The following ENO1 variants were observed in gnomAD, a reference collection of about 807,000 sequenced individuals.
ENO1 encodes enolase 1, also known as alpha-enolase.
A neutral mutation model predicts 46.3 loss-of-function variants in ENO1; 33 were observed. The observed-to-expected ratio is 0.71, with a 90% CI of 0.54 to 0.95. ENO1 has a LOEUF of 0.95. ENO1 is among the 40% of genes least tolerant of loss of function. The pLI is 0.00. For synonymous variants in ENO1, 220 were observed against 216.0 expected (o/e 1.02, Z -0.16); for missense variants, 488 against 553.3 (o/e 0.88, Z 1.18).
intron 1 of ENO1, 144 bp from the exon 2 acceptor site, chr1:8,875,061 T>TG (rs1436249492): frequency 3.2e-6 from 2 of 634,806 alleles, no homozygotes; most frequent in Non-Finnish European, 2.7e-6. Context: ...CTGGCTAGGG[T>TG]GGGGGGAAAA....
chr1:8,861,462 GA>G (rs772510631), intron 11 of ENO1, 33 bp from the exon 12 acceptor site: 1 of 1,610,796 alleles, frequency 6.2e-7, no homozygotes, highest in Admixed American at 1.7e-5. Context: ...AGATGGGGAG[GA>G]AAAAAGAAAA....
chr1:8,872,387 CT>C lies in ENO1; in HGVS notation c.86-402del, dbSNP rs111671523. On this transcript the variant is annotated intron_variant, in intron 2 of 11. Coordinates refer to ENST00000234590, the MANE Select transcript of ENO1 (RefSeq NM_001428.5). ...ACAGGGCATTGAAGACGTTCTGGTA[CT>C]TTTTTTTTCTTTTGAGACAGAATCT... Among the ~76,000 whole-genome samples, 3 of 150,692 alleles carry C rather than the reference CT, an allele frequency of 2.0e-5. No individual in the cohort carries two copies. The South Asian group carries it at 6.3e-4, about 32-fold the overall frequency.
At chr1:8,874,323 G>A (rs978887340) in intron 2 of ENO1, among the ~76,000 whole-genome samples, 7 of 151,992 alleles carry the variant, frequency 4.6e-5, no homozygotes, top group African/African-American at 1.2e-4. Flanking sequence ...CTATAATGCC[G>A]GCACTTTGGG....
Position 8,863,967 on chromosome 1 carries a change from C to A in ENO1, c.991G>T (p.Ala331Ser), listed in dbSNP as rs775250261. Reference sequence around the variant, plus strand: ...CAGTTGCAGGACTTCTCGTTCACGGCCTTGGCGATCCTCTTTGGGTTGGTC... The same window carrying A: ...CAGTTGCAGGACTTCTCGTTCACGGACTTGGCGATCCTCTTTGGGTTGGTC... ...TVTNPKRIAK[A>S]VNEKSCNCLL... Residue 331 changes from alanine (A) to serine (S), a missense_variant, in exon 9 of 12, where the codon GCC becomes TCC. Ala to Ser is a moderately conservative substitution (Grantham distance 99). Transcript: ENST00000234590. 1 of 1,614,184 alleles carries A rather than the reference C, an allele frequency of 6.2e-7. No individual in the cohort carries two copies. Among genetic ancestry groups the A allele is most frequent in the South Asian group, 1.1e-5 (1 of 91,086 alleles).
intron 8 of ENO1, 55 bp from the exon 9 acceptor site, chr1:8,864,147 G>A (rs1473574470): frequency 1.3e-5 from 21 of 1,580,698 alleles, no homozygotes; most frequent in Non-Finnish European, 1.7e-5. Context: ...GTGCTCCACC[G>A]CAATGCCCAG....
chr1:8,870,287 G>A, intron 4 of ENO1, 165 bp downstream of exon 4: 1 of 793,958 alleles, frequency 1.3e-6, no homozygotes, highest in Non-Finnish European at 1.9e-6. Flanking sequence ...GAGGCAGCGG[G>A]CAGGTTAGAA....
rs28931273 is a variant in ENO1 at position 8,872,037 on chromosome 1, C to G, written c.86-51G>C. ...TAGCAATTCAGAAATCCAGTTCCAGCACAATCCCAAGTCCCCTCCCGCCCA... is the reference window on the plus strand; with the variant it reads ...TAGCAATTCAGAAATCCAGTTCCAGGACAATCCCAAGTCCCCTCCCGCCCA... On this transcript the variant is annotated intron_variant, in intron 2 of 11. Transcript: ENST00000234590. 345 of 1,523,440 alleles carry G rather than the reference C, an allele frequency of 2.3e-4. No individual in the cohort carries two copies. In the East Asian group the frequency reaches 7.2e-3, roughly 32 times the overall value. The allele number at this position is 1,523,440 out of a possible 1,614,324, so 94.4% of individuals were successfully genotyped here.
intron 8 of ENO1, 76 bp from the exon 9 acceptor site, chr1:8,864,168 C>T: frequency 1.3e-6 from 2 of 1,516,340 alleles, no homozygotes; most frequent in South Asian, 1.1e-5. Context: ...CCTTGCTTCC[C>T]CCTTGACTTG....
rs1337245022 is a variant in ENO1, at chr1:8,861,151, C to T, written c.*209G>A. The T allele has an allele frequency of 7.5e-6, 4 of 531,296 alleles. No individual in the cohort carries two copies. The highest frequency in any genetic ancestry group is 3.8e-5 in the African/African-American group (2 of 52,452). The allele number at this position is 531,296 out of a possible 1,614,324, so 32.9% of individuals were successfully genotyped here. A position where few individuals can be genotyped will look rare whatever the true frequency, so the allele number is the denominator to read the frequency against. On this transcript the variant is annotated 3_prime_UTR_variant, in exon 12 of 12. Transcript: ENST00000234590. ...AAAACAATGACTTGGGCCAATTACA[C>T]GACTGCAAAGCTAGAGCTGCCAACA...
rs867870442 is a variant in ENO1 at position 8,869,382 on chromosome 1, G to A, written c.240+1070C>T. On this transcript the variant is annotated intron_variant, in intron 4 of 11. Coordinates refer to ENST00000234590, the MANE Select transcript of ENO1 (RefSeq NM_001428.5). ...AAGACATTTTGTCTGGGGGCTGGTCGGGCAGGGAGTAATTACAGAGTGCCA... is the reference window on the plus strand; with the variant it reads ...AAGACATTTTGTCTGGGGGCTGGTCAGGCAGGGAGTAATTACAGAGTGCCA... 5.5e-4 allele frequency among the ~76,000 whole-genome samples: 84 copies of A among 151,872 alleles called. 1 individual carries two copies. The highest frequency in any genetic ancestry group is 7.7e-4 in the East Asian group (4 of 5,172).
intron 1 of ENO1, chr1:8,878,153 T>C (rs940432791): frequency 6.4e-6 from 1 of 155,958 alleles, no homozygotes; most frequent in Admixed American, 6.5e-5. Flanking sequence ...TCCTCCATTT[T>C]AGGAAGGGCC....
chr1:8,875,236 A>G (rs1642711281), intron 1 of ENO1, among the ~76,000 whole-genome samples: 1 of 151,896 alleles, frequency 6.6e-6, no homozygotes, highest in Admixed American at 6.5e-5. Context: ...TTTTTCACAA[A>G]AAAAGATTTG....
Position 8,863,312 on chromosome 1 carries a change from C to A in ENO1, c.1099G>T (p.Val367Phe). 1 of 1,614,062 alleles carries A rather than the reference C, an allele frequency of 6.2e-7. No homozygotes were observed. Among genetic ancestry groups the A allele is most frequent in the Non-Finnish European group, 8.5e-7 (1 of 1,179,968 alleles). ...CKLAQANGWGVMVSHRSGETE... is the reference protein window; with the variant it reads ...CKLAQANGWGFMVSHRSGETE... ...TCCCCCGAACGATGAGACACCATGA[C>A]GCCCCAACCATTGGCCTGGGCCAGC... is the stretch of plus-strand genomic sequence containing the variant. The change falls in exon 10 of 12, where the codon GTC becomes TTC. Residue 367 changes from valine to phenylalanine, a missense_variant. Physicochemically the swap from Val to Phe is conservative, Grantham distance 50. Coordinates refer to ENST00000234590, the MANE Select transcript of ENO1 (RefSeq NM_001428.5).
intron 4 of ENO1, among the ~76,000 whole-genome samples, chr1:8,868,777 G>A (rs1569908787): frequency 6.6e-6 from 1 of 152,070 alleles, no homozygotes; most frequent in South Asian, 2.1e-4. Flanking sequence ...CCTCCACCTC[G>A]TGGGCTCAAA....
intron 2 of ENO1, among the ~76,000 whole-genome samples, chr1:8,873,347 A>G (rs1396762000): frequency 6.6e-6 from 1 of 152,150 alleles, no homozygotes; most frequent in African/African-American, 2.4e-5. Flanking sequence ...TGAGACAGGG[A>G]GAGAGAGAGA....
At chr1:8,866,134 C>T (rs1642508665) in intron 7 of ENO1, 145 bp downstream of exon 7, 1 of 667,770 alleles carries the variant, frequency 1.5e-6, no homozygotes, top group African/African-American at 1.8e-5. Flanking sequence ...CCCTTTTCCT[C>T]CTTAAAACCG....
At chr1:8,873,041 C>T (rs1347851663) in intron 2 of ENO1, among the ~76,000 whole-genome samples, 5 of 152,234 alleles carry the variant, frequency 3.3e-5, no homozygotes, top group African/African-American at 1.2e-4. Flanking sequence ...GCAGTGTTCC[C>T]TGCTGCACTG....
At chr1:8,868,370 A>G (rs1642567039) in intron 4 of ENO1, among the ~76,000 whole-genome samples, 1 of 152,186 alleles carries the variant, frequency 6.6e-6, no homozygotes, top group Admixed American at 6.5e-5. Context: ...GAGAACTGTC[A>G]GGTATGTGCT....
chr1:8,862,827 C>G lies in ENO1; in HGVS notation c.1235+60G>C, dbSNP rs1204541609. 2.5e-6 allele frequency: 4 copies of G among 1,586,836 alleles called. No individual in the cohort carries two copies. In the East Asian group the frequency reaches 6.8e-5, roughly 27 times the overall value. The stretch of plus-strand genomic sequence containing the variant: ...CTCCTGGGGGAGGGCAGTGCCTACA[C>G]TGAGTGCAGGCCCCCACCTAGTGAA... On this transcript the variant is annotated intron_variant, in intron 11 of 11. Transcript: ENST00000234590.
Sources: allele counts gnomAD v4.1 joint callset (sites outside exome capture counted in the v4.1 genomes callset), GRCh38; gene constraint gnomAD v4.1.1; transcripts MANE v1.5; gene names NCBI Gene and HGNC (gene_info 2026-07-23, HGNC 2026-07-21).